Variants in MDGA2 observed in about 807,000 individuals in gnomAD.
MDGA2 encodes MAM domain-containing glycosylphosphatidylinositol anchor protein 2.
Under a neutral mutation model 117.8 loss-of-function variants are expected in MDGA2, and 40 were observed. The observed-to-expected ratio is 0.34, with a 90% CI of 0.26 to 0.44. The LOEUF (loss-of-function observed/expected upper bound fraction) is 0.44, where lower values mean the gene tolerates loss of function less well. Ranked by LOEUF, MDGA2 falls within the 20% of genes least tolerant of loss-of-function variation. The probability of loss-of-function intolerance (pLI) is 1.00; values close to 1 mark genes in which losing one functional copy is unlikely to be tolerated. For missense variants in MDGA2, 1,123 were observed against 1,250.6 expected (o/e 0.90, Z 1.54); for synonymous variants, 452 against 439.0 (o/e 1.03, Z -0.37).
chr14:47,400,919 G>T (rs529991349), intron 1 of MDGA2, among the ~76,000 whole-genome samples: 6 of 148,178 alleles, frequency 4.0e-5, no homozygotes, highest in African/African-American at 1.2e-4. Context: ...CACCACGCCC[G>T]GCTAATTTTT....
chr14:47,663,156 CT>C (rs1304110082), intron 1 of MDGA2, among the ~76,000 whole-genome samples: 30 of 152,190 alleles, frequency 2.0e-4, no homozygotes, highest in African/African-American at 7.0e-4. Flanking sequence ...TTGATAATAA[CT>C]TAACTCATTC....
At chr14:46,921,556 T>C (rs907077373) in intron 9 of MDGA2, among the ~76,000 whole-genome samples, 2 of 150,122 alleles carry the variant, frequency 1.3e-5, no homozygotes, top group African/African-American at 4.9e-5. Flanking sequence ...GAGGCAGAGG[T>C]TGCAGTGAGC....
intron 1 of MDGA2, among the ~76,000 whole-genome samples, chr14:47,508,127 C>T (rs143313792): frequency 4.6e-5 from 7 of 152,306 alleles, no homozygotes; most frequent in Admixed American, 3.9e-4. Context: ...ATAAGGATAG[C>T]TACTTTTCAA....
chr14:47,382,578 T>C (rs972364263), intron 1 of MDGA2, among the ~76,000 whole-genome samples: 5 of 152,214 alleles, frequency 3.3e-5, no homozygotes, highest in African/African-American at 1.2e-4. Context: ...AGAAGACATT[T>C]ATGCAGTCAA....
At position 47,239,842 on chromosome 14, in the gene MDGA2, C is replaced by A. The variant is rs1002258770; in HGVS notation, c.421-21647G>T. 2.6e-5 allele frequency among the ~76,000 whole-genome samples: 4 copies of A among 151,662 alleles called. 1 individual carries two copies. The highest frequency in any genetic ancestry group is 5.9e-5 in the Non-Finnish European group (4 of 67,754). ...CATCCTTGCTTTTTGAAACAACGGG[C>A]TTTATATCAAAATTTTATATCTTTT... On this transcript the variant is annotated intron_variant, in intron 2 of 16. Transcript: ENST00000399232.
intron 3 of MDGA2, among the ~76,000 whole-genome samples, chr14:47,172,867 T>A (rs993066449): frequency 6.6e-6 from 1 of 152,070 alleles, no homozygotes; most frequent in Non-Finnish European, 1.5e-5. Context: ...CAGGAGGAAA[T>A]TCAAACCAAA....
At chr14:47,018,733 G>GAGAAAAAAA (rs1888172348) in intron 8 of MDGA2, among the ~76,000 whole-genome samples, 1 of 38,662 alleles carries the variant, frequency 2.6e-5, no homozygotes, top group Non-Finnish European at 5.0e-5. Context: ...CCATTTTACT[G>GAGAAAAAAA]AAAAAAAAAA....
intron 8 of MDGA2, among the ~76,000 whole-genome samples, chr14:46,990,669 C>A (rs1887053902): frequency 6.6e-6 from 1 of 151,602 alleles, no homozygotes; most frequent in Non-Finnish European, 1.5e-5. Flanking sequence ...AAAGCAAGAT[C>A]AAAGATTAAA....
chr14:47,480,658 T>C (rs1229448770), intron 1 of MDGA2, among the ~76,000 whole-genome samples: 2 of 152,004 alleles, frequency 1.3e-5, no homozygotes, highest in African/African-American at 4.8e-5. Context: ...CATTTTCTAA[T>C]TATTGTTCAC....
At position 47,096,984 on chromosome 14, in the gene MDGA2, T is replaced by A. The variant is rs1880010633; in HGVS notation, c.1065A>T (p.Glu355Asp). Reference sequence around the variant, plus strand: ...AAGTTCCTCCATTCAAAACAGTCTTTTCAGGCAGAGTCCCAAAGGACCTGA... The same window carrying A: ...AAGTTCCTCCATTCAAAACAGTCTTATCAGGCAGAGTCCCAAAGGACCTGA... ...TWVRSFGTLP[E>D]KTVLNGGTLT... is the part of the protein sequence containing the mutation. Residue 355 changes from glutamate (E) to aspartate (D), a missense_variant, in exon 6 of 17, where the codon GAA (glutamate) becomes GAT (aspartate). Transcript: ENST00000399232. The A allele has an allele frequency of 6.2e-7, 1 of 1,613,220 alleles. No individual in the cohort carries two copies. The highest frequency in any genetic ancestry group is 1.3e-5 in the African/African-American group (1 of 74,858).
rs1242810530 is a variant in MDGA2, at chr14:47,458,419, T to C, written c.281-156869A>G. Among the ~76,000 whole-genome samples the C allele has an allele frequency of 6.6e-5, 10 of 152,310 alleles. No homozygotes were observed. The East Asian group carries it at 1.5e-3, about 24-fold the overall frequency. ...CTGGAAGTTTTATTGTTTCAGGTCTTATGTTTAAGTCTTCAATCCATTCTG... is the reference window on the plus strand; with the variant it reads ...CTGGAAGTTTTATTGTTTCAGGTCTCATGTTTAAGTCTTCAATCCATTCTG... On this transcript the variant is annotated intron_variant, in intron 1 of 16. Coordinates refer to ENST00000399232, the MANE Select transcript of MDGA2 (RefSeq NM_001113498.3).
At chr14:47,047,855 T>C (rs982361919) in intron 7 of MDGA2, among the ~76,000 whole-genome samples, 5 of 152,074 alleles carry the variant, frequency 3.3e-5, no homozygotes, top group African/African-American at 1.2e-4. Context: ...ATTTTATTGC[T>C]GTTGTCTGTT....
chr14:47,085,469 CTATAGA>C (rs1411738559), intron 6 of MDGA2, among the ~76,000 whole-genome samples: 2 of 152,150 alleles, frequency 1.3e-5, no homozygotes, highest in Non-Finnish European at 2.9e-5. Flanking sequence ...TCTAGTCTCA[CTATAGA>C]TTACAACAGT....
chr14:47,509,544 C>G (rs1894594553), intron 1 of MDGA2, among the ~76,000 whole-genome samples: 1 of 152,150 alleles, frequency 6.6e-6, no homozygotes, highest in Non-Finnish European at 1.5e-5. Flanking sequence ...AGGTGTGGGA[C>G]TGCAGCCCAG....
chr14:47,326,712 T>C (rs1472650601), intron 1 of MDGA2, among the ~76,000 whole-genome samples: 1 of 151,652 alleles, frequency 6.6e-6, no homozygotes, highest in Non-Finnish European at 1.5e-5. Context: ...CACACAATTG[T>C]ATCATTTTTC....
chr14:46,989,826 G>A (rs943677634), intron 8 of MDGA2, among the ~76,000 whole-genome samples: 1 of 151,970 alleles, frequency 6.6e-6, no homozygotes, highest in Non-Finnish European at 1.5e-5. Flanking sequence ...AAATCAAAAA[G>A]AATTCTCAGA....
intron 15 of MDGA2, among the ~76,000 whole-genome samples, chr14:46,846,952 TTTTG>T (rs1880864998): frequency 6.6e-6 from 1 of 152,126 alleles, no homozygotes; most frequent in South Asian, 2.1e-4. Flanking sequence ...ATGCCAAAGT[TTTTG>T]TTTTTGTTTT....
intron 8 of MDGA2, among the ~76,000 whole-genome samples, chr14:46,989,685 G>T (rs1887008045): frequency 6.6e-6 from 1 of 151,936 alleles, no homozygotes; most frequent in Non-Finnish European, 1.5e-5. Context: ...TATAGATTGT[G>T]TTTTTTTCAG....
chr14:47,336,803 T>A (rs1340568328), intron 1 of MDGA2, among the ~76,000 whole-genome samples: 3 of 151,926 alleles, frequency 2.0e-5, no homozygotes, highest in Non-Finnish European at 4.4e-5. Context: ...TTTATTTATT[T>A]TTTATTTACT....
Sources: gnomAD v4.1 joint callset for allele counts (sites outside exome capture counted in the v4.1 genomes callset) on GRCh38, gnomAD v4.1.1 for gene constraint, MANE v1.5 for transcripts, NCBI Gene and HGNC (gene_info 2026-07-23, HGNC 2026-07-21) for gene names.